PLCG2: variants seen among roughly 807,000 people sequenced by gnomAD.
PLCG2 encodes the protein phospholipase C gamma 2.
Under a neutral mutation model 175.6 loss-of-function variants are expected in PLCG2, and 69 were observed. The observed-to-expected ratio is 0.39, with a 90% CI of 0.32 to 0.48. The LOEUF is 0.48. Ranked by LOEUF, PLCG2 falls within the 20% of genes least tolerant of loss-of-function variation. The pLI is 0.91. For missense variants in PLCG2, 1,798 were observed against 1,650.9 expected, an observed-to-expected ratio of 1.09 and a Z score of -1.54; for synonymous variants, 827 against 624.0, an observed-to-expected ratio of 1.33 and a Z score of -4.85.
chr16:81,878,678 A>G (rs1180789742), intron 7 of PLCG2, among the ~76,000 whole-genome samples: 2 of 151,880 alleles, frequency 1.3e-5, no homozygotes, highest in East Asian at 3.9e-4. Flanking sequence ...CATCACCTCC[A>G]TGTGTTGCGA....
At chr16:81,900,408 G>T (rs1466316321) in intron 13 of PLCG2, among the ~76,000 whole-genome samples, 1 of 152,270 alleles carries the variant, frequency 6.6e-6, no homozygotes, top group Non-Finnish European at 1.5e-5. Flanking sequence ...TCCTGAATCA[G>T]ATCGCAGCTG....
chr16:81,780,598 A>G (rs1225420479), intron 1 of PLCG2, among the ~76,000 whole-genome samples: 8 of 152,164 alleles, frequency 5.3e-5, no homozygotes, highest in Non-Finnish European at 1.2e-4. Context: ...TCACCTAATG[A>G]TGCAGCTGCC....
At chr16:81,894,748 C>T (rs1908801527) in intron 12 of PLCG2, among the ~76,000 whole-genome samples, 1 of 152,094 alleles carries the variant, frequency 6.6e-6, no homozygotes, top group Non-Finnish European at 1.5e-5. Context: ...TGGTGCACAT[C>T]TGTAATCCCA....
At chr16:81,781,327 T>C (rs1245264399) in intron 1 of PLCG2, among the ~76,000 whole-genome samples, 1 of 152,240 alleles carries the variant, frequency 6.6e-6, no homozygotes, top group Non-Finnish European at 1.5e-5. Context: ...ATCCTCATTC[T>C]TTCTGATGGC....
At chr16:81,823,654 T>C (rs539264804) in intron 2 of PLCG2, among the ~76,000 whole-genome samples, 22 of 151,948 alleles carry the variant, frequency 1.4e-4, no homozygotes, top group Admixed American at 1.3e-3. Context: ...GTCTCTCAAG[T>C]AGCTGAGACT....
exon 1 of PLCG2, chr16:81,739,249 G>T (rs1056096127): frequency 5.9e-5 from 9 of 151,972 alleles, no homozygotes; most frequent in African/African-American, 2.2e-4. Flanking sequence ...TCTCCCCAGC[G>T]AGACCCCAGG....
chr16:81,956,800 G>A lies in PLCG2; in HGVS notation c.3676G>A (p.Ala1226Thr), dbSNP rs1911587985. 6.2e-7 allele frequency: 1 copy of A among 1,614,178 alleles called. No individual in the cohort carries two copies. The highest frequency in any genetic ancestry group is 1.1e-5 in the South Asian group (1 of 91,082). ...TGACACACACCAGAACTTGCGCAATGCCAACCGGGATGCCCTGGTTAAAGA... is the reference window on the plus strand; with the variant it reads ...TGACACACACCAGAACTTGCGCAATACCAACCGGGATGCCCTGGTTAAAGA... ...LYDTHQNLRN[A>T]NRDALVKEFS... Residue 1226 changes from alanine to threonine, a missense_variant, in exon 32 of 33, where the codon GCC (alanine) becomes ACC (threonine). Physicochemically the swap from Ala to Thr is moderately conservative, Grantham distance 58. Coordinates refer to ENST00000564138, the MANE Select transcript of PLCG2 (RefSeq NM_002661.5).
At chr16:81,935,795 T>C in intron 26 of PLCG2, 1 of 985,444 alleles carries the variant, frequency 1.0e-6, no homozygotes, top group African/African-American at 1.7e-5. Context: ...CTTGTGTCTG[T>C]GGTCTCTCTG....
intron 9 of PLCG2, among the ~76,000 whole-genome samples, chr16:81,888,121 G>A (rs1908458084): frequency 6.6e-6 from 1 of 152,176 alleles, no homozygotes; most frequent in Non-Finnish European, 1.5e-5. Flanking sequence ...AAATGACAAT[G>A]GCAATAAATG....
intron 1 of PLCG2, among the ~76,000 whole-genome samples, chr16:81,751,443 G>T (rs1434532888): frequency 3.3e-5 from 5 of 152,238 alleles, no homozygotes; most frequent in African/African-American, 1.2e-4. Context: ...TAGAAGCAGA[G>T]AGTAGAATGG....
intron 2 of PLCG2, among the ~76,000 whole-genome samples, chr16:81,827,966 T>G (rs544400529): frequency 6.6e-6 from 1 of 151,676 alleles, no homozygotes; most frequent in Non-Finnish European, 1.5e-5. Flanking sequence ...GGCGGATGCC[T>G]GTAATCCCAG....
At chr16:81,948,482 T>A (rs1222430978) in intron 31 of PLCG2, among the ~76,000 whole-genome samples, 2 of 152,172 alleles carry the variant, frequency 1.3e-5, no homozygotes, top group East Asian at 3.8e-4. Flanking sequence ...GGAGCTAACC[T>A]GCAAGGGGTG....
intron 31 of PLCG2, among the ~76,000 whole-genome samples, chr16:81,949,493 C>T (rs892035726): frequency 6.6e-6 from 1 of 152,248 alleles, no homozygotes; most frequent in Middle Eastern, 3.4e-3. Flanking sequence ...ACTAGGAAGA[C>T]GGAATAATTC....
chr16:81,910,508 C>A lies in PLCG2; in HGVS notation c.1734-12C>A. 1.9e-6 allele frequency: 3 copies of A among 1,613,202 alleles called. No homozygotes were observed. Among genetic ancestry groups the A allele is most frequent in the Non-Finnish European group, 2.5e-6 (3 of 1,179,676 alleles). The stretch of plus-strand genomic sequence containing the variant: ...GCGTTCTCCCAGCACTGATGGCGTC[C>A]TCTCCCCGCAGGCGGTCAGGCCGGG... On this transcript the variant is annotated splice_polypyrimidine_tract_variant and intron_variant, in intron 17 of 32. Coordinates refer to ENST00000564138, the MANE Select transcript of PLCG2 (RefSeq NM_002661.5).
At chr16:81,782,247 C>G (rs1301885723) in intron 1 of PLCG2, among the ~76,000 whole-genome samples, 1 of 112,892 alleles carries the variant, frequency 8.9e-6, no homozygotes, top group Non-Finnish European at 1.9e-5. Flanking sequence ...CAAGAAAAAC[C>G]TTTAGAAGGA....
At chr16:81,951,952 TA>T (rs1911382825) in intron 31 of PLCG2, among the ~76,000 whole-genome samples, 1 of 152,300 alleles carries the variant, frequency 6.6e-6, no homozygotes, top group Middle Eastern at 3.4e-3. Flanking sequence ...ACTTCAATTT[TA>T]AAGAGACTGA....
At chr16:81,822,707 ACCGAG>A (rs1904854037) in intron 2 of PLCG2, among the ~76,000 whole-genome samples, 3 of 130,578 alleles carry the variant, frequency 2.3e-5, no homozygotes, top group East Asian at 5.3e-4. Context: ...TAGTGAGTGA[ACCGAG>A]TTCATGCCGC....
At chr16:81,785,393 A>T (rs780528941) in intron 1 of PLCG2, among the ~76,000 whole-genome samples, 2 of 152,090 alleles carry the variant, frequency 1.3e-5, no homozygotes, top group Admixed American at 6.6e-5. Flanking sequence ...AGCTGCCAAG[A>T]CCTGACATTT....
chr16:81,754,291 C>A (rs1362969044), intron 1 of PLCG2, among the ~76,000 whole-genome samples: 1 of 129,456 alleles, frequency 7.7e-6, no homozygotes, highest in Non-Finnish European at 1.6e-5. Flanking sequence ...CCCTCCCCAC[C>A]TCCTTCCCTC....
Sources: allele counts gnomAD v4.1 joint callset (sites outside exome capture counted in the v4.1 genomes callset), GRCh38; gene constraint gnomAD v4.1.1; transcripts MANE v1.5; gene names NCBI Gene and HGNC (gene_info 2026-07-23, HGNC 2026-07-21).